CSGALNACT1: variants seen among roughly 807,000 people sequenced by gnomAD.
The protein encoded by CSGALNACT1 is beta4GalNAcT-1.
In CSGALNACT1, 52 loss-of-function variants were observed where a neutral mutation model predicts 51.0. The observed-to-expected ratio is 1.02, with a 90% CI of 0.82 to 1.29. The LOEUF (loss-of-function observed/expected upper bound fraction) is 1.29. CSGALNACT1 is among the 50% of genes most tolerant of loss of function. The pLI is 0.00. For missense variants in CSGALNACT1, 935 were observed against 679.2 expected (o/e 1.38, Z -4.19); for synonymous variants, 341 against 254.4 (o/e 1.34, Z -3.24).
chr8:19,436,107 A>C (rs1279586594), intron 6 of CSGALNACT1, among the ~76,000 whole-genome samples: 1 of 152,222 alleles, frequency 6.6e-6, no homozygotes, highest in East Asian at 1.9e-4. Flanking sequence ...ACTGACTAAG[A>C]ATAAACTAGG....
At position 19,449,053 on chromosome 8, in the gene CSGALNACT1, G is replaced by C. The variant is rs560188790; in HGVS notation, c.852-9122C>G. Among the ~76,000 whole-genome samples, 33 of 152,084 alleles carry C rather than the reference G, an allele frequency of 2.2e-4. 1 individual carries two copies. The highest frequency in any genetic ancestry group is 4.6e-4 in the Non-Finnish European group (31 of 68,008). On this transcript the variant is annotated intron_variant, in intron 5 of 9. Transcript: ENST00000454498. ...ATATAATTATTCTATTCCATCATTT[G>C]AGTAGTCTGATCAGTGTTAAGAAAT...
At chr8:19,622,554 A>G (rs1273909760) in intron 1 of CSGALNACT1, among the ~76,000 whole-genome samples, 3 of 152,240 alleles carry the variant, frequency 2.0e-5, no homozygotes, top group Non-Finnish European at 4.4e-5. Context: ...ACTGTTACCT[A>G]GAAGTTATTC....
intron 5 of CSGALNACT1, among the ~76,000 whole-genome samples, chr8:19,453,270 A>G (rs1230820144): frequency 6.6e-6 from 1 of 152,202 alleles, no homozygotes. Flanking sequence ...AAACAATAAA[A>G]CAACAGAATA....
intron 6 of CSGALNACT1, among the ~76,000 whole-genome samples, chr8:19,433,041 TG>T (rs1175985004): frequency 6.6e-6 from 1 of 152,202 alleles, no homozygotes; most frequent in African/African-American, 2.4e-5. Flanking sequence ...AAATGTATTA[TG>T]GTAAGCCTAG....
At chr8:19,755,694 C>T (rs1301526755) in intron 1 of CSGALNACT1, among the ~76,000 whole-genome samples, 2 of 152,132 alleles carry the variant, frequency 1.3e-5, no homozygotes, top group African/African-American at 4.8e-5. Flanking sequence ...TCTGGAACAG[C>T]AAAGACACAA....
At chr8:19,736,523 A>T (rs1028677267) in intron 1 of CSGALNACT1, among the ~76,000 whole-genome samples, 3 of 152,096 alleles carry the variant, frequency 2.0e-5, no homozygotes, top group Admixed American at 6.5e-5. Context: ...AACCAAAAAA[A>T]AAAAAAATAA....
At position 19,411,977 on chromosome 8, in the gene CSGALNACT1, C is replaced by T. The variant is rs4922022; in HGVS notation, c.1228-3283G>A. ...TCCCGAGTAGCTGGGATTACAGGCA[C>T]GTACCACCATGCCCGGCTACATTTT... On this transcript the variant is annotated intron_variant, in intron 8 of 9. Transcript: ENST00000454498. Among the ~76,000 whole-genome samples the T allele has an allele frequency of 6.4e-3, 967 of 152,072 alleles. 15 individuals are homozygous for T. Among genetic ancestry groups the T allele is most frequent in the Middle Eastern group, 0.024 (7 of 292 alleles).
At chr8:19,736,885 A>G (rs936824492) in intron 1 of CSGALNACT1, among the ~76,000 whole-genome samples, 40 of 151,880 alleles carry the variant, frequency 2.6e-4, no homozygotes, top group African/African-American at 9.4e-4. Flanking sequence ...GATGAAAGAC[A>G]ATTATCCTTG....
exon 4 of CSGALNACT1, chr8:19,506,038 C>A: frequency 1.4e-6 from 1 of 707,296 alleles, no homozygotes; most frequent in Non-Finnish European, 2.5e-6. Flanking sequence ...GATGATCTTG[C>A]AGGCAGAAGC....
At chr8:19,616,383 G>C (rs537179656) in intron 1 of CSGALNACT1, among the ~76,000 whole-genome samples, 1 of 152,156 alleles carries the variant, frequency 6.6e-6, no homozygotes, top group South Asian at 2.1e-4. Context: ...ACCATCCCAA[G>C]GTACTGATGA....
chr8:19,667,020 G>GAAAGAAAGAAAGAAAAGAAAGA (rs1564386482), intron 1 of CSGALNACT1, among the ~76,000 whole-genome samples: 1 of 27,274 alleles, frequency 3.7e-5, no homozygotes, highest in Non-Finnish European at 6.7e-5. Context: ...AGAAAGAAAG[G>GAAAGAAAGAAAGAAAAGAAAGA]AAGGAAGGAA....
chr8:19,619,546 AC>A (rs900062106), intron 1 of CSGALNACT1, among the ~76,000 whole-genome samples: 2 of 152,098 alleles, frequency 1.3e-5, no homozygotes, highest in African/African-American at 4.8e-5. Context: ...TCCAGCAGTT[AC>A]CCAACTGAGA....
Position 19,647,636 on chromosome 8 carries a change from A to G in CSGALNACT1, c.-544+34837T>C, listed in dbSNP as rs187083966. Among the ~76,000 whole-genome samples, 4 of 152,240 alleles carry G rather than the reference A, an allele frequency of 2.6e-5. No homozygotes were observed. The East Asian group carries it at 7.7e-4, about 29-fold the overall frequency. ...CTTTCAACAGAGCGGTGTATTAGGA[A>G]CTCTGTAAAATTCAATGGCTGCATA... On this transcript the variant is annotated intron_variant, in intron 1 of 9. Coordinates refer to the CSGALNACT1 transcript ENST00000332246.
chr8:19,518,347 T>A (rs538468412), intron 3 of CSGALNACT1, among the ~76,000 whole-genome samples: 1 of 152,284 alleles, frequency 6.6e-6, no homozygotes, highest in African/African-American at 2.4e-5. Flanking sequence ...GTATTCAAGA[T>A]GGCAGCTCCA....
Position 19,617,077 on chromosome 8 carries a change from T to A in CSGALNACT1, c.-543-15212A>T, listed in dbSNP as rs114604135. ...TTTCCTGTAACTAGACAGTCCCATC[T>A]GGGGTTGATGAGAGACAATGACAGA... On this transcript the variant is annotated intron_variant, in intron 1 of 9. Transcript: ENST00000332246. Among the ~76,000 whole-genome samples the A allele has an allele frequency of 8.5e-3, 1,296 of 152,346 alleles. 23 individuals are homozygous for A. The highest frequency in any genetic ancestry group is 0.03 in the African/African-American group (1,231 of 41,584).
At chr8:19,428,341 G>A (rs2059102927) in intron 6 of CSGALNACT1, among the ~76,000 whole-genome samples, 2 of 152,198 alleles carry the variant, frequency 1.3e-5, no homozygotes, top group Admixed American at 1.3e-4. Flanking sequence ...ATTCATGGCG[G>A]AAGGCAGAAG....
chr8:19,685,557 C>G (rs1319121231), upstream of CSGALNACT1, among the ~76,000 whole-genome samples: 1 of 152,168 alleles, frequency 6.6e-6, no homozygotes, highest in Non-Finnish European at 1.5e-5. Flanking sequence ...TTAGCATTAA[C>G]TAGTTCTTAG....
At chr8:19,549,782 C>T (rs554843889) in intron 3 of CSGALNACT1, among the ~76,000 whole-genome samples, 1 of 150,372 alleles carries the variant, frequency 6.7e-6, no homozygotes, top group African/African-American at 2.5e-5. Context: ...CCTATTCTAC[C>T]GTTGCATTTG....
chr8:19,444,404 G>T (rs1470019132), intron 5 of CSGALNACT1, among the ~76,000 whole-genome samples: 1 of 152,124 alleles, frequency 6.6e-6, no homozygotes, highest in South Asian at 2.1e-4. Flanking sequence ...TGAATCGGAG[G>T]GTGTGGTACC....
Sources: gnomAD v4.1 joint callset for allele counts (sites outside exome capture counted in the v4.1 genomes callset) on GRCh38, gnomAD v4.1.1 for gene constraint, MANE v1.5 for transcripts, NCBI Gene and HGNC (gene_info 2026-07-23, HGNC 2026-07-21) for gene names.